Variants in VPS8 observed in about 807,000 individuals in gnomAD.
VPS8 encodes the protein VPS8 subunit of CORVET complex.
VPS8 carries 129 observed loss-of-function variants against 216.4 expected under a neutral mutation model. The observed-to-expected ratio is 0.60, with a 90% CI of 0.52 to 0.69. VPS8 has a LOEUF of 0.69. Among genes scored for constraint, VPS8 ranks in the 30% least tolerant of loss-of-function variants. VPS8 has a pLI of 0.00. For synonymous variants in VPS8, 571 were observed against 565.4 expected, an observed-to-expected ratio of 1.01 and a Z score of -0.14; for missense variants, 1,531 against 1,683.5, an observed-to-expected ratio of 0.91 and a Z score of 1.59.
At chr3:184,854,231 G>C (rs1389233337) in intron 13 of VPS8, 58 bp downstream of exon 13, 1 of 1,577,704 alleles carries the variant, frequency 6.3e-7, no homozygotes, top group Non-Finnish European at 8.7e-7. Context: ...GAGGTTGAGA[G>C]AGATGGCTTG....
intron 46 of VPS8, among the ~76,000 whole-genome samples, chr3:185,024,776 A>G (rs1757121107): frequency 6.6e-6 from 1 of 152,088 alleles, no homozygotes; most frequent in Non-Finnish European, 1.5e-5. Flanking sequence ...GCTGAGGTGG[A>G]TGGATCATCT....
intron 34 of VPS8, 26 bp from the exon 35 acceptor site, chr3:184,936,220 G>T (rs1405671925): frequency 1.3e-6 from 2 of 1,582,774 alleles, no homozygotes; most frequent in Admixed American, 3.6e-5. Flanking sequence ...CATTAGAGAT[G>T]GCTTTGTCTT....
At position 184,842,408 on chromosome 3, in the gene VPS8, C is replaced by A. The variant is rs547717071; in HGVS notation, c.536-832C>A. On this transcript the variant is annotated intron_variant, in intron 7 of 47. Transcript: ENST00000625842. ...TTTCTTGTAGATATGAGGAAATAAT[C>A]TTTCATTACAGTCTCATGGAAAAGA... Among the ~76,000 whole-genome samples the A allele has an allele frequency of 7.2e-4, 106 of 148,006 alleles. 1 individual carries two copies. Among genetic ancestry groups the A allele is most frequent in the African/African-American group, 2.5e-3 (102 of 40,184 alleles).
chr3:184,892,338 T>C (rs574901329), intron 22 of VPS8, among the ~76,000 whole-genome samples: 1 of 152,266 alleles, frequency 6.6e-6, no homozygotes, highest in East Asian at 1.9e-4. Flanking sequence ...TGCCTCAGCC[T>C]CCTGAGTAGC....
intron 45 of VPS8, among the ~76,000 whole-genome samples, chr3:185,001,365 A>G (rs4686948): frequency 0.72 from 109,399 of 152,052 alleles, 42,515 homozygotes; most frequent in East Asian, 0.86. Flanking sequence ...CTGAGGTTCC[A>G]TAATTCACTA....
At chr3:184,993,941 A>T in intron 42 of VPS8, 42 bp from the exon 43 acceptor site, 1 of 1,428,226 alleles carries the variant, frequency 7.0e-7, no homozygotes, top group Non-Finnish European at 9.4e-7. Context: ...AAGTAATTTT[A>T]AAATACAGAA....
At chr3:184,999,057 T>G (rs1424256906) in intron 44 of VPS8, among the ~76,000 whole-genome samples, 1 of 151,210 alleles carries the variant, frequency 6.6e-6, no homozygotes, top group African/African-American at 2.4e-5. Context: ...AATTTTTTGG[T>G]TTTTGGTTTT....
intron 42 of VPS8, among the ~76,000 whole-genome samples, chr3:184,988,432 C>A (rs1751435370): frequency 6.6e-6 from 1 of 152,142 alleles, no homozygotes; most frequent in Admixed American, 6.5e-5. Context: ...AAAGGACTGT[C>A]CCTTTCTCCA....
intron 42 of VPS8, among the ~76,000 whole-genome samples, chr3:184,988,289 G>T (rs182342198): frequency 1.3e-5 from 2 of 152,064 alleles, no homozygotes; most frequent in South Asian, 2.1e-4. Flanking sequence ...TAAAAGTTTT[G>T]TATTTTTGCA....
chr3:184,962,414 A>AT (rs1339713249), intron 37 of VPS8, among the ~76,000 whole-genome samples: 1 of 152,124 alleles, frequency 6.6e-6, no homozygotes, highest in African/African-American at 2.4e-5. Flanking sequence ...GATACCTAGT[A>AT]TTTTTAGTCT....
At chr3:185,017,095 G>A (rs1755907098) in intron 45 of VPS8, among the ~76,000 whole-genome samples, 1 of 151,996 alleles carries the variant, frequency 6.6e-6, no homozygotes, top group African/African-American at 2.4e-5. Context: ...ATTAGAACTT[G>A]TGCTCCCCAT....
At chr3:184,972,150 G>A (rs1013186373) in intron 40 of VPS8, among the ~76,000 whole-genome samples, 9 of 151,998 alleles carry the variant, frequency 5.9e-5, no homozygotes, top group East Asian at 1.9e-4. Context: ...TCAGCCACCC[G>A]GGTTTAATTC....
intron 28 of VPS8, chr3:184,919,024 GA>G (rs577129371): frequency 6.6e-6 from 1 of 150,856 alleles, no homozygotes; most frequent in Non-Finnish European, 1.5e-5. Flanking sequence ...CAGACTAGTT[GA>G]AAAAAAAAGT....
At chr3:184,838,403 C>G (rs1721511176) in intron 5 of VPS8, among the ~76,000 whole-genome samples, 1 of 152,066 alleles carries the variant, frequency 6.6e-6, no homozygotes, top group African/African-American at 2.4e-5. Flanking sequence ...ATAGTTTATT[C>G]AAGTATAGAA....
chr3:185,037,987 CT>C (rs1160501666), intron 46 of VPS8, among the ~76,000 whole-genome samples: 1 of 152,092 alleles, frequency 6.6e-6, no homozygotes, highest in African/African-American at 2.4e-5. Flanking sequence ...TTGTTTCCTG[CT>C]TTTTTCCCTG....
chr3:184,996,604 C>T (rs764567862), intron 44 of VPS8, 103 bp downstream of exon 44: 14 of 1,331,050 alleles, frequency 1.1e-5, no homozygotes, highest in South Asian at 3.4e-5. Flanking sequence ...TAGCAGTGAA[C>T]GTGATAGGCA....
intron 36 of VPS8, among the ~76,000 whole-genome samples, chr3:184,955,639 T>C (rs1560851423): frequency 6.6e-6 from 1 of 152,112 alleles, no homozygotes; most frequent in Non-Finnish European, 1.5e-5. Context: ...TTACAATCTC[T>C]TGTCTCTGCA....
intron 35 of VPS8, 64 bp downstream of exon 35, chr3:184,936,399 C>G: frequency 1.4e-6 from 2 of 1,397,346 alleles, no homozygotes; most frequent in Non-Finnish European, 2.0e-6. Context: ...TAAATCGTCA[C>G]CTAAGAAGTT....
intron 21 of VPS8, among the ~76,000 whole-genome samples, chr3:184,879,474 T>C (rs1729893863): frequency 1.3e-5 from 2 of 152,162 alleles, no homozygotes; most frequent in Admixed American, 1.3e-4. Flanking sequence ...ACAGTGTCTA[T>C]CTCGAAAGCC....
Sources: allele counts gnomAD v4.1 joint callset (sites outside exome capture counted in the v4.1 genomes callset), GRCh38; gene constraint gnomAD v4.1.1; transcripts MANE v1.5; gene names NCBI Gene and HGNC (gene_info 2026-07-23, HGNC 2026-07-21).